The following ADGRG4 variants were observed in gnomAD, a reference collection of about 807,000 sequenced individuals.
ADGRG4 encodes the protein G protein-coupled receptor 112.
A neutral mutation model predicts 126.2 loss-of-function variants in ADGRG4; 122 were observed. The observed-to-expected ratio is 0.97, with a 90% CI of 0.83 to 1.12. The LOEUF is 1.12. Among genes scored for constraint, ADGRG4 ranks in the 50% most tolerant of loss-of-function variants. The pLI is 0.00. For synonymous variants in ADGRG4, 943 were observed against 838.7 expected, an observed-to-expected ratio of 1.12 and a Z score of -2.15; for missense variants, 2,481 against 2,251.8, an observed-to-expected ratio of 1.10 and a Z score of -2.06.
chrX:136,399,880 T>G lies in ADGRG4; in HGVS notation c.8339T>G (p.Leu2780Arg). The G allele has an allele frequency of 8.3e-7, 1 of 1,206,842 alleles. No individual in the cohort carries two copies. Among genetic ancestry groups the G allele is most frequent in the Non-Finnish European group, 1.1e-6 (1 of 891,865 alleles). The change falls in exon 21 of 26, where the codon CTG becomes CGG. Residue 2780 changes from leucine (L) to arginine (R), a missense_variant. By Grantham distance (102) the Leu-to-Arg change is moderately radical. Coordinates refer to ENST00000394143, the MANE Select transcript of ADGRG4 (RefSeq NM_153834.4). ...CGAAAAGATTATCCTGCCAAAATTC[T>G]GATCAACCTGTGCACAGCACTACTG... The part of the protein sequence containing the change: ...KLRKDYPAKI[L>R]INLCTALLML...
chrX:136,369,263 C>T (rs1269764276), intron 13 of ADGRG4, among the ~76,000 whole-genome samples: 1 of 112,343 alleles, frequency 8.9e-6, no homozygotes, highest in East Asian at 2.8e-4. Flanking sequence ...AACACTGGCT[C>T]ATAGAAATTG....
rs755858233 is a variant in ADGRG4 at position 136,347,933 on chromosome X, T to A, written c.4227T>A (p.Tyr1409Ter). 24 of 1,206,705 alleles carry A rather than the reference T, an allele frequency of 2.0e-5. No individual in the cohort carries two copies. Among genetic ancestry groups the A allele is most frequent in the Non-Finnish European group, 2.7e-5 (24 of 890,832 alleles). ...CCTATGTGACTCACTCTGTCTCATA[T>A]GGCCAGGATACTTCATTTGTAGATA... ...NSTYVTHSVS[Y>*]GQDTSFVDTT... The change falls in exon 6 of 26, where the codon TAT (tyrosine) becomes TAA (stop). Residue 1409 changes from tyrosine (Y) to a stop codon, truncating the protein, a stop_gained. Coordinates refer to ENST00000394143, the MANE Select transcript of ADGRG4 (RefSeq NM_153834.4). LOFTEE classifies it high-confidence loss of function.
At chrX:136,308,992 G>T in intron 4 of ADGRG4, 145 bp downstream of exon 4, 1 of 428,708 alleles carries the variant, frequency 2.3e-6, no homozygotes, top group Non-Finnish European at 4.1e-6. Flanking sequence ...TACAGAAGAA[G>T]CTGAAGCATC....
chrX:136,348,917 C>T lies in ADGRG4; in HGVS notation c.5211C>T (p.Leu1737=). 1 of 1,206,240 alleles carries T rather than the reference C, an allele frequency of 8.3e-7. No homozygotes were observed. The highest frequency in any genetic ancestry group is 1.1e-6 in the Non-Finnish European group (1 of 891,286). Residue 1737 remains leucine (L), a synonymous_variant, in exon 6 of 26, where the codon CTC becomes CTT. Coordinates refer to ENST00000394143, the MANE Select transcript of ADGRG4 (RefSeq NM_153834.4). ...STVNSGTGVA[L]TDTYSRITVP... ...TGAACAGTGGTACAGGGGTAGCTCT[C>T]ACAGATACTTATTCCAGAATCACTG...
rs368223288 is a variant in ADGRG4 at position 136,348,360 on chromosome X, T to A, written c.4654T>A (p.Cys1552Ser). The change falls in exon 6 of 26, where the codon TGT (cysteine) becomes AGT (serine). Residue 1552 changes from cysteine (C) to serine (S), a missense_variant. Cys to Ser is a moderately radical substitution (Grantham distance 112). Coordinates refer to ENST00000394143, the MANE Select transcript of ADGRG4 (RefSeq NM_153834.4). Reference sequence around the variant, plus strand: ...GCATCCAGGTTGTTTGAAAAGTCCCTGTACAGCCACTTCTGGGCCTATGTC... The same window carrying A: ...GCATCCAGGTTGTTTGAAAAGTCCCAGTACAGCCACTTCTGGGCCTATGTC... ...TMHPGCLKSP[C>S]TATSGPMSEM... is the part of the protein sequence containing the mutation. 8.3e-7 allele frequency: 1 copy of A among 1,208,847 alleles called. No individual in the cohort carries two copies. The highest frequency in any genetic ancestry group is 1.1e-6 in the Non-Finnish European group (1 of 894,330).
At chrX:136,328,234 G>A (rs1335995170) in intron 5 of ADGRG4, among the ~76,000 whole-genome samples, 1 of 111,560 alleles carries the variant, frequency 9.0e-6, no homozygotes, top group East Asian at 2.8e-4. Flanking sequence ...TATTCAACAA[G>A]CTCTGTTTGA....
intron 15 of ADGRG4, among the ~76,000 whole-genome samples, chrX:136,386,983 C>T (rs1455756818): frequency 8.9e-6 from 1 of 111,767 alleles, no homozygotes; most frequent in Non-Finnish European, 1.9e-5. Context: ...GGGCCGCCTG[C>T]GGTGAGAGCC....
rs766895589 is a variant in ADGRG4 at position 136,405,685 on chromosome X, C to T, written c.8655-7C>T. On this transcript the variant is annotated splice_region_variant and splice_polypyrimidine_tract_variant and intron_variant, in intron 22 of 25. Coordinates refer to ENST00000394143, the MANE Select transcript of ADGRG4 (RefSeq NM_153834.4). ...TATCTCATGATAGTCTTCTTTGTTTCTTACAGTTGTTGGATTAAAGATGAT... is the reference window on the plus strand; with the variant it reads ...TATCTCATGATAGTCTTCTTTGTTTTTTACAGTTGTTGGATTAAAGATGAT... The T allele has an allele frequency of 8.7e-7, 1 of 1,143,651 alleles. No individual in the cohort carries two copies. The highest frequency in any genetic ancestry group is 2.1e-5 in the South Asian group (1 of 46,970). 94.2% of individuals were successfully genotyped at this position (1,143,651 alleles called of 1,213,427 possible). A position where few individuals can be genotyped will look rare whatever the true frequency, so the allele number is the denominator to read the frequency against.
chrX:136,359,591 G>C (rs936911039), intron 11 of ADGRG4, 136 bp downstream of exon 11: 1 of 490,852 alleles, frequency 2.0e-6, no homozygotes, highest in African/African-American at 2.5e-5. Context: ...TCATATTCTT[G>C]GTACCCACTT....
intron 7 of ADGRG4, 92 bp from the exon 8 acceptor site, chrX:136,353,245 T>G (rs2075073797): frequency 1.7e-6 from 1 of 595,181 alleles, no homozygotes; most frequent in African/African-American, 2.2e-5. Flanking sequence ...AAATAATGAG[T>G]GCAGCTTAAT....
rs191248243 is a variant in ADGRG4 at position 136,338,700 on chromosome X, G to A, written c.686-5692G>A. Among the ~76,000 whole-genome samples, 4 of 112,090 alleles carry A rather than the reference G, an allele frequency of 3.6e-5. No homozygotes were observed. The East Asian group carries it at 1.1e-3, about 31-fold the overall frequency. On this transcript the variant is annotated intron_variant, in intron 5 of 25. Transcript: ENST00000394143. Reference sequence around the variant, plus strand: ...TAATTCCAGTGTCTAATTCATCTCAGTTTTAGCATCAGTTGATTATCTTTT... The same window carrying A: ...TAATTCCAGTGTCTAATTCATCTCAATTTTAGCATCAGTTGATTATCTTTT...
At chrX:136,363,224 C>T (rs2075138738) in intron 12 of ADGRG4, among the ~76,000 whole-genome samples, 1 of 111,430 alleles carries the variant, frequency 9.0e-6, no homozygotes, top group Admixed American at 9.5e-5. Context: ...CATTGCCATG[C>T]CCCATTCCCA....
intron 13 of ADGRG4, among the ~76,000 whole-genome samples, chrX:136,365,016 C>T (rs1299761574): frequency 1.8e-5 from 2 of 111,697 alleles, no homozygotes; most frequent in Non-Finnish European, 3.8e-5. Flanking sequence ...ATGAAAAGCA[C>T]CTTTTTCGCA....
At chrX:136,371,693 G>A (rs750627894) in intron 14 of ADGRG4, 149 bp downstream of exon 14, 2 of 391,208 alleles carry the variant, frequency 5.1e-6, no homozygotes, top group Admixed American at 5.1e-5. Context: ...TACTGAACAA[G>A]TACAGAATTT....
chrX:136,344,628 G>C lies in ADGRG4; in HGVS notation c.922G>C (p.Asp308His). 1 of 1,210,256 alleles carries C rather than the reference G, an allele frequency of 8.3e-7. No individual in the cohort carries two copies. The change falls in exon 6 of 26, where the codon GAT becomes CAT. Residue 308 changes from aspartate to histidine, a missense_variant. Asp to His is a moderately conservative substitution (Grantham distance 81). Coordinates refer to ENST00000394143, the MANE Select transcript of ADGRG4 (RefSeq NM_153834.4). Reference protein sequence around the residue: ...TAQKILKTLVDETATFAVDVL... With the variant: ...TAQKILKTLVHETATFAVDVL... ...ACAAAAAATCTTAAAGACACTGGTAGATGAGACAGCTACATTTGCAGTGGA... is the reference window on the plus strand; with the variant it reads ...ACAAAAAATCTTAAAGACACTGGTACATGAGACAGCTACATTTGCAGTGGA...
At chrX:136,411,732 C>T (rs1290716387) in intron 23 of ADGRG4, among the ~76,000 whole-genome samples, 1 of 112,105 alleles carries the variant, frequency 8.9e-6, no homozygotes, top group East Asian at 2.8e-4. Context: ...GAAAACTTGA[C>T]TGGGGCTGGG....
In ADGRG4 at chrX:136,322,758, C is replaced by T. The variant is rs758561786; in HGVS notation, c.71-20C>T. On this transcript the variant is annotated intron_variant, in intron 4 of 25. Coordinates refer to ENST00000394143, the MANE Select transcript of ADGRG4 (RefSeq NM_153834.4). ...GAAATTTCATTTGTTTTCTCTTTCC[C>T]CTCCCCCAAATTTGGACAGATACAC... 8.7e-7 allele frequency: 1 copy of T among 1,149,980 alleles called. No individual in the cohort carries two copies. The highest frequency in any genetic ancestry group is 2.4e-4 in the Middle Eastern group (1 of 4,083). 94.8% of individuals were successfully genotyped at this position (1,149,980 alleles called of 1,213,427 possible). A position where few individuals can be genotyped will look rare whatever the true frequency, so the allele number is the denominator to read the frequency against.
intron 4 of ADGRG4, among the ~76,000 whole-genome samples, chrX:136,310,749 C>G (rs1569533327): frequency 9.0e-6 from 1 of 111,194 alleles, no homozygotes; most frequent in African/African-American, 3.3e-5. Context: ...GTATTAAAGT[C>G]TATGGGGTGA....
At chrX:136,336,808 T>C (rs1457219033) in intron 5 of ADGRG4, among the ~76,000 whole-genome samples, 2 of 112,039 alleles carry the variant, frequency 1.8e-5, no homozygotes. Flanking sequence ...CTTGATTTAT[T>C]TATGGGGTTT....
Sources: gnomAD v4.1 joint callset for allele counts (sites outside exome capture counted in the v4.1 genomes callset) on GRCh38, gnomAD v4.1.1 for gene constraint, MANE v1.5 for transcripts, NCBI Gene and HGNC (gene_info 2026-07-23, HGNC 2026-07-21) for gene names.